Variants in HCK observed in about 807,000 individuals in gnomAD.
The protein encoded by HCK is HCK proto-oncogene, Src family tyrosine kinase.
HCK carries 40 observed loss-of-function variants against 70.4 expected under a neutral mutation model. The ratio of observed to expected loss-of-function variants is 0.57; its 90% CI spans 0.44 to 0.74. HCK has a LOEUF of 0.74. Among genes scored for constraint, HCK ranks in the 30% least tolerant of loss-of-function variants. The pLI is 0.00. For missense variants in HCK, 568 were observed against 697.2 expected (o/e 0.81, Z 2.09); for synonymous variants, 245 against 263.2 (o/e 0.93, Z 0.67).
rs1600752304 is a variant in HCK at position 32,098,937 on chromosome 20, C to G, written c.1247-67C>G. On this transcript the variant is annotated intron_variant, in intron 11 of 12. Coordinates refer to ENST00000375852, the MANE Select transcript of HCK (RefSeq NM_002110.5). ...CAGCTCTTGCCCTTGCCTGTTCCCCCACCTTAGCAGAGCCAACCCTCACTA... is the reference window on the plus strand; with the variant it reads ...CAGCTCTTGCCCTTGCCTGTTCCCCGACCTTAGCAGAGCCAACCCTCACTA... The G allele has an allele frequency of 7.0e-6, 11 of 1,561,838 alleles. No individual in the cohort carries two copies. The East Asian group carries it at 2.3e-4, about 32-fold the overall frequency.
At chr20:32,055,388 T>TTTGAGCAATAACCTCATTGGTTA (rs1385634641) in intron 1 of HCK, among the ~76,000 whole-genome samples, 1 of 152,234 alleles carries the variant, frequency 6.6e-6, no homozygotes, top group African/African-American at 2.4e-5. Context: ...GCATGAACCT[T>TTTGAGCAATAACCTCATTGGTTA]TTGAGGGAAC....
At chr20:32,082,003 A>G (rs1372715832) in intron 6 of HCK, among the ~76,000 whole-genome samples, 2 of 152,154 alleles carry the variant, frequency 1.3e-5, no homozygotes, top group Non-Finnish European at 2.9e-5. Flanking sequence ...GCCACACCCC[A>G]TCCAGCAGCA....
At chr20:32,077,974 G>A (rs151061044) in intron 5 of HCK, among the ~76,000 whole-genome samples, 1 of 152,184 alleles carries the variant, frequency 6.6e-6, no homozygotes, top group Non-Finnish European at 1.5e-5. Context: ...CCTTGTGCAA[G>A]GTCTATGGGA....
At chr20:32,084,679 G>T in intron 8 of HCK, 136 bp downstream of exon 8, 1 of 800,718 alleles carries the variant, frequency 1.2e-6, no homozygotes, top group Non-Finnish European at 1.9e-6. Context: ...TAGCCATAAA[G>T]AAGCAGTTCC....
chr20:32,059,771 C>T (rs1326533079), intron 1 of HCK, among the ~76,000 whole-genome samples: 2 of 152,062 alleles, frequency 1.3e-5, no homozygotes, highest in African/African-American at 2.4e-5. Context: ...CTGTCTTGAC[C>T]TCTCAAAGTG....
intron 1 of HCK, among the ~76,000 whole-genome samples, chr20:32,065,677 G>A (rs1267845003): frequency 6.6e-6 from 1 of 152,142 alleles, no homozygotes; most frequent in Non-Finnish European, 1.5e-5. Context: ...CCTCAGTGAG[G>A]AGGACGTATA....
intron 11 of HCK, among the ~76,000 whole-genome samples, chr20:32,098,632 G>A (rs926269813): frequency 6.6e-6 from 1 of 152,324 alleles, no homozygotes; most frequent in South Asian, 2.1e-4. Flanking sequence ...CCCAGGATGA[G>A]AGGACTGAGG....
intron 11 of HCK, among the ~76,000 whole-genome samples, chr20:32,097,824 A>G (rs1194078741): frequency 6.6e-6 from 1 of 152,074 alleles, no homozygotes; most frequent in African/African-American, 2.4e-5. Context: ...TCCAAAGAAC[A>G]TATATTCTAT....
chr20:32,085,313 G>C (rs1220970136), intron 8 of HCK, among the ~76,000 whole-genome samples: 1 of 152,178 alleles, frequency 6.6e-6, no homozygotes. Context: ...AGCAGTTCGA[G>C]AAAAACCTGG....
chr20:32,056,441 G>A (rs1209971354), intron 1 of HCK, among the ~76,000 whole-genome samples: 1 of 151,996 alleles, frequency 6.6e-6, no homozygotes, highest in Non-Finnish European at 1.5e-5. Context: ...GCATGAACCC[G>A]GGAGGCGGAG....
rs1267159669 is a variant in HCK, at chr20:32,052,399, AC to A, written c.-22del. ...AGAAAGTCAGTTTCCCGGCACTGGC[AC>A]CCCGGAACCTCAGGGGCTGCCGAGC... On this transcript the variant is annotated 5_prime_UTR_variant, in exon 1 of 13. Coordinates refer to ENST00000375852, the MANE Select transcript of HCK (RefSeq NM_002110.5). The A allele has an allele frequency of 1.7e-5, 22 of 1,283,830 alleles. No homozygotes were observed. The highest frequency in any genetic ancestry group is 2.1e-5 in the Non-Finnish European group (21 of 1,006,356). 79.5% of individuals were successfully genotyped at this position (1,283,830 alleles called of 1,614,324 possible).
intron 5 of HCK, among the ~76,000 whole-genome samples, chr20:32,077,800 A>C (rs1053601870): frequency 1.3e-5 from 2 of 152,206 alleles, no homozygotes; most frequent in African/African-American, 4.8e-5. Context: ...CTGGGATTAC[A>C]GGCGTGAGCC....
chr20:32,059,106 G>A (rs1383748027), intron 1 of HCK, among the ~76,000 whole-genome samples: 2 of 152,200 alleles, frequency 1.3e-5, no homozygotes, highest in African/African-American at 2.4e-5. Context: ...AGGGCAGAGT[G>A]ATAGAGGCAG....
intron 11 of HCK, among the ~76,000 whole-genome samples, chr20:32,096,533 G>A (rs896570652): frequency 2.0e-5 from 3 of 148,728 alleles, no homozygotes; most frequent in Non-Finnish European, 4.4e-5. Context: ...ATAGGTGCTT[G>A]CTCTGTTGCC....
In HCK at chr20:32,074,711, G is replaced by C. The variant is rs199725229; in HGVS notation, c.418G>C (p.Glu140Gln). 40 of 1,611,432 alleles carry C rather than the reference G, an allele frequency of 2.5e-5. No homozygotes were observed. Among genetic ancestry groups the C allele is most frequent in the South Asian group, 1.6e-4 (15 of 91,020 alleles). Residue 140 changes from glutamate to glutamine, a missense_variant, in exon 5 of 13, where the codon GAG becomes CAG. Physicochemically the swap from Glu to Gln is conservative, Grantham distance 29 (BLOSUM62 2). Transcript: ENST00000375852. ...CTATGTCGCCCGCGTTGACTCTCTGGAGACAGAGGAGTAAGTATCCTATTT... is the reference window on the plus strand; with the variant it reads ...CTATGTCGCCCGCGTTGACTCTCTGCAGACAGAGGAGTAAGTATCCTATTT...
At chr20:32,059,308 CTTTCT>C (rs1164269747) in intron 1 of HCK, among the ~76,000 whole-genome samples, 92 of 151,702 alleles carry the variant, frequency 6.1e-4, no homozygotes, top group Non-Finnish European at 1.0e-4. Flanking sequence ...TCCCTCCCTC[CTTTCT>C]TTTCTTTTCT....
At chr20:32,067,531 C>CTTTTTTT (rs11482239) in intron 1 of HCK, among the ~76,000 whole-genome samples, 49 of 110,268 alleles carry the variant, frequency 4.4e-4, no homozygotes, top group Admixed American at 6.1e-4. Context: ...GATGCTTTTA[C>CTTTTTTT]TTTTTTTTTT....
In HCK at chr20:32,073,341, A is replaced by G; in HGVS notation, c.206A>G (p.Asn69Ser). ...CAGGGGCCTAATAGCCACAACAGCA[A>G]CACACCAGGAATCAGGGAGGGTAAG... Residue 69 changes from asparagine to serine, a missense_variant, in exon 3 of 13, where the codon AAC becomes AGC. Physicochemically the swap from Asn to Ser is conservative, Grantham distance 46 (BLOSUM62 1). Transcript: ENST00000375852. The G allele has an allele frequency of 6.2e-7, 1 of 1,612,208 alleles. No homozygotes were observed. Among genetic ancestry groups the G allele is most frequent in the South Asian group, 1.1e-5 (1 of 90,762 alleles).
intron 2 of HCK, among the ~76,000 whole-genome samples, chr20:32,072,890 C>T (rs987460808): frequency 6.6e-6 from 1 of 152,094 alleles, no homozygotes. Flanking sequence ...TTTGGGAGGT[C>T]AGGAGTTCTA....
Sources: allele counts gnomAD v4.1 joint callset (sites outside exome capture counted in the v4.1 genomes callset), GRCh38; gene constraint gnomAD v4.1.1; transcripts MANE v1.5; gene names NCBI Gene and HGNC (gene_info 2026-07-23, HGNC 2026-07-21).